The following ZNF407 variants were observed in gnomAD, a reference collection of about 807,000 sequenced individuals.
ZNF407 encodes the protein zinc finger protein 407.
In ZNF407, 17 loss-of-function variants were observed where a neutral mutation model predicts 131.2. The observed-to-expected ratio is 0.13, with a 90% CI of 0.09 to 0.19. The LOEUF is 0.19. Among genes scored for constraint, ZNF407 ranks in the 10% least tolerant of loss-of-function variants. ZNF407 has a pLI of 1.00. For missense variants in ZNF407, 2,681 were observed against 2,830.6 expected (o/e 0.95, Z 1.20); for synonymous variants, 1,156 against 1,062.0 (o/e 1.09, Z -1.72).
chr18:75,002,937 C>T (rs1972865596), intron 8 of ZNF407, among the ~76,000 whole-genome samples: 1 of 152,166 alleles, frequency 6.6e-6, no homozygotes, highest in Admixed American at 6.5e-5. Context: ...TACTCCATTT[C>T]TCTTCAGGCA....
chr18:74,683,531 A>G (rs1284908683), intron 3 of ZNF407, among the ~76,000 whole-genome samples: 1 of 152,148 alleles, frequency 6.6e-6, no homozygotes, highest in Non-Finnish European at 1.5e-5. Flanking sequence ...ATGCTATGCA[A>G]TGCTCCTTTT....
intron 8 of ZNF407, among the ~76,000 whole-genome samples, chr18:74,987,842 G>GT (rs1972671493): frequency 6.6e-6 from 1 of 152,146 alleles, no homozygotes; most frequent in Non-Finnish European, 1.5e-5. Flanking sequence ...ATTTATAGAT[G>GT]GGAGGACTCA....
At chr18:75,007,311 C>T (rs1972922470) in intron 8 of ZNF407, among the ~76,000 whole-genome samples, 1 of 151,774 alleles carries the variant, frequency 6.6e-6, no homozygotes, top group Admixed American at 6.6e-5. Flanking sequence ...TTTTCTTCTG[C>T]ACATTCTTTT....
At chr18:74,630,883 T>G in intron 1 of ZNF407, 84 bp from the exon 2 acceptor site, 1 of 1,092,286 alleles carries the variant, frequency 9.2e-7, no homozygotes, top group Non-Finnish European at 1.3e-6. Flanking sequence ...TGGGGCTAAC[T>G]TCATGATACT....
chr18:74,893,673 G>C (rs1280778595), intron 7 of ZNF407, among the ~76,000 whole-genome samples: 1 of 152,082 alleles, frequency 6.6e-6, no homozygotes, highest in Non-Finnish European at 1.5e-5. Context: ...AAATGTATTT[G>C]TTCACAGCAT....
intron 8 of ZNF407, among the ~76,000 whole-genome samples, chr18:75,020,620 GA>G (rs1158001324): frequency 6.6e-6 from 1 of 152,054 alleles, no homozygotes; most frequent in African/African-American, 2.4e-5. Flanking sequence ...ATACAAAACT[GA>G]AGAGTCTTTC....
chr18:74,648,654 T>C (rs746483296), intron 3 of ZNF407, among the ~76,000 whole-genome samples: 2 of 152,198 alleles, frequency 1.3e-5, no homozygotes, highest in Non-Finnish European at 2.9e-5. Context: ...TGGACAATTG[T>C]AATGAAAACA....
intron 3 of ZNF407, among the ~76,000 whole-genome samples, chr18:74,767,060 C>T (rs1229433608): frequency 6.6e-6 from 1 of 152,036 alleles, no homozygotes; most frequent in African/African-American, 2.4e-5. Context: ...CACAGGTGCG[C>T]ACCATCATGC....
intron 8 of ZNF407, among the ~76,000 whole-genome samples, chr18:74,976,415 C>G (rs540162807): frequency 6.6e-6 from 1 of 152,206 alleles, no homozygotes; most frequent in African/African-American, 2.4e-5. Context: ...GAGGGTTTCT[C>G]TGTACAGGTC....
intron 3 of ZNF407, among the ~76,000 whole-genome samples, chr18:74,701,007 G>A (rs1967480538): frequency 6.6e-6 from 1 of 152,270 alleles, no homozygotes. Context: ...AAGGTTAAAT[G>A]AGATCTTAAG....
intron 4 of ZNF407, among the ~76,000 whole-genome samples, chr18:74,790,059 A>G (rs898642306): frequency 5.3e-5 from 8 of 152,102 alleles, no homozygotes; most frequent in Admixed American, 2.0e-4. Flanking sequence ...CCTATGGAAC[A>G]TTAGAGAATA....
At chr18:74,831,734 G>A (rs1438119023) in intron 4 of ZNF407, among the ~76,000 whole-genome samples, 2 of 152,004 alleles carry the variant, frequency 1.3e-5, no homozygotes, top group Non-Finnish European at 2.9e-5. Context: ...TCGATGCCAC[G>A]TGTCCCCCTC....
intron 3 of ZNF407, among the ~76,000 whole-genome samples, chr18:74,723,514 A>C (rs922471809): frequency 6.6e-6 from 1 of 152,142 alleles, no homozygotes; most frequent in African/African-American, 2.4e-5. Flanking sequence ...CTTGTATCTC[A>C]TTTCTGATAG....
chr18:74,662,297 A>G (rs190452293), intron 3 of ZNF407, among the ~76,000 whole-genome samples: 32 of 152,342 alleles, frequency 2.1e-4, no homozygotes, highest in Non-Finnish European at 7.3e-5. Flanking sequence ...GATATGATCC[A>G]TAAGACTAGG....
Position 74,786,590 on chromosome 18 carries a change from C to T in ZNF407, c.4877+5088C>T, listed in dbSNP as rs1323666428. ...TCTTTTGGGCTAAAGTGGAGGAAAA[C>T]ATGTCAGTTCTTTCCATTCTGGGTT... On this transcript the variant is annotated intron_variant, in intron 4 of 8. Transcript: ENST00000299687. Among the ~76,000 whole-genome samples the T allele has an allele frequency of 3.3e-5, 5 of 151,656 alleles. No homozygotes were observed. In the East Asian group the frequency reaches 9.7e-4, roughly 29 times the overall value.
rs537176939 is a variant in ZNF407, at chr18:74,852,539, T to G, written c.4878-24658T>G. Among the ~76,000 whole-genome samples the G allele has an allele frequency of 1.6e-4, 25 of 152,198 alleles. No homozygotes were observed. In the East Asian group the frequency reaches 3.1e-3, roughly 19 times the overall value. ...TATTTCTGAGCAAGTTTTCTCATAGTTTGTAATTTAATATTTTGAGCTCTG... is the reference window on the plus strand; with the variant it reads ...TATTTCTGAGCAAGTTTTCTCATAGGTTGTAATTTAATATTTTGAGCTCTG... On this transcript the variant is annotated intron_variant, in intron 4 of 8. Transcript: ENST00000299687.
chr18:74,854,302 G>A lies in ZNF407; in HGVS notation c.4878-22895G>A, dbSNP rs544440212. ...TGTTAGATAATTTGTAAGATTACTT[G>A]GTATTCTAATGTTCTTTGATTATAT... is the stretch of plus-strand genomic sequence containing the variant. On this transcript the variant is annotated intron_variant, in intron 4 of 8. Transcript: ENST00000299687. 3.9e-5 allele frequency among the ~76,000 whole-genome samples: 6 copies of A among 152,226 alleles called. No homozygotes were observed. The South Asian group carries it at 1.2e-3, about 32-fold the overall frequency.
chr18:74,834,833 T>C (rs2145122934), intron 4 of ZNF407, among the ~76,000 whole-genome samples: 1 of 152,202 alleles, frequency 6.6e-6, no homozygotes, highest in East Asian at 1.9e-4. Context: ...CTTTACACTG[T>C]TAGATGCCTT....
chr18:74,775,210 G>GATT (rs1404683349), intron 3 of ZNF407, among the ~76,000 whole-genome samples: 1 of 152,036 alleles, frequency 6.6e-6, no homozygotes, highest in Non-Finnish European at 1.5e-5. Flanking sequence ...TTTCTACTTG[G>GATT]ATTATTATTA....
Sources: gnomAD v4.1 joint callset for allele counts (sites outside exome capture counted in the v4.1 genomes callset) on GRCh38, gnomAD v4.1.1 for gene constraint, MANE v1.5 for transcripts, NCBI Gene and HGNC (gene_info 2026-07-23, HGNC 2026-07-21) for gene names.